The following TRIO variants were observed in gnomAD, a reference collection of about 807,000 sequenced individuals.
The protein encoded by TRIO is trio Rho guanine nucleotide exchange factor, also known as triple functional domain protein.
A neutral mutation model predicts 351.9 loss-of-function variants in TRIO; 58 were observed. The observed-to-expected ratio is 0.16, with a 90% CI of 0.13 to 0.21. TRIO has a LOEUF of 0.21. Ranked by LOEUF, TRIO falls within the 10% of genes least tolerant of loss-of-function variation. The probability of loss-of-function intolerance (pLI) is 1.00; values close to 1 mark genes in which losing one functional copy is unlikely to be tolerated. For synonymous variants in TRIO, 1,758 were observed against 1,595.7 expected, an observed-to-expected ratio of 1.10 and a Z score of -2.42; for missense variants, 3,201 against 4,027.8, an observed-to-expected ratio of 0.79 and a Z score of 5.56.
intron 55 of TRIO, chr5:14,504,823 A>G: frequency 1.7e-6 from 1 of 578,846 alleles, no homozygotes. Flanking sequence ...CACTGCTGGG[A>G]TGGAACACCT....
intron 8 of TRIO, among the ~76,000 whole-genome samples, chr5:14,315,855 G>C (rs186213278): frequency 5.3e-5 from 8 of 152,214 alleles, no homozygotes; most frequent in East Asian, 1.9e-4. Flanking sequence ...TTTAATTGTA[G>C]TTTGAGAATA....
chr5:14,235,670 G>A lies in TRIO; in HGVS notation c.158-35155G>A, dbSNP rs147955585. ...TGAATTGGACACAGAATGGAACTACGCTAGACAGATGAGATCTAGGGTGCC... is the reference window on the plus strand; with the variant it reads ...TGAATTGGACACAGAATGGAACTACACTAGACAGATGAGATCTAGGGTGCC... On this transcript the variant is annotated intron_variant, in intron 1 of 56. Coordinates refer to ENST00000344204, the MANE Select transcript of TRIO (RefSeq NM_007118.4). 9.2e-5 allele frequency among the ~76,000 whole-genome samples: 14 copies of A among 152,074 alleles called. No individual in the cohort carries two copies. In the East Asian group the frequency reaches 1.3e-3, roughly 15 times the overall value.
At chr5:14,301,276 A>AT (rs1737858978) in intron 7 of TRIO, among the ~76,000 whole-genome samples, 1 of 152,014 alleles carries the variant, frequency 6.6e-6, no homozygotes, top group African/African-American at 2.4e-5. Context: ...CACTTTCTTA[A>AT]TACGACCATT....
At chr5:14,442,164 G>A (rs1752101691) in intron 34 of TRIO, among the ~76,000 whole-genome samples, 1 of 152,238 alleles carries the variant, frequency 6.6e-6, no homozygotes, top group African/African-American at 2.4e-5. Context: ...CTGCATGCCA[G>A]CAGGAATGCT....
intron 1 of TRIO, among the ~76,000 whole-genome samples, chr5:14,211,297 A>G (rs975076237): frequency 9.2e-5 from 14 of 152,230 alleles, no homozygotes; most frequent in African/African-American, 3.4e-4. Flanking sequence ...CTGTTAACAT[A>G]TAATAATTTG....
chr5:14,214,769 ATCAG>A (rs1792120545), intron 1 of TRIO, among the ~76,000 whole-genome samples: 1 of 152,222 alleles, frequency 6.6e-6, no homozygotes, highest in Non-Finnish European at 1.5e-5. Flanking sequence ...TGTCTGTGAC[ATCAG>A]TCAGTGTACG....
In TRIO at chr5:14,508,023, C is replaced by T. The variant is rs546106927; in HGVS notation, c.8895C>T (p.Leu2965=). The part of the protein sequence containing the change: ...NPEFAAPEII[L]GNPVSLTSDT... ...AATTCGCAGCCCCTGAAATCATCCT[C>T]GGGAACCCTGTCTCCCTGACCTCGG... Residue 2965 remains leucine (L), a synonymous_variant, in exon 57 of 57, where the codon CTC becomes CTT. Transcript: ENST00000344204. The T allele has an allele frequency of 2.2e-5, 35 of 1,614,222 alleles. No individual in the cohort carries two copies. The highest frequency in any genetic ancestry group is 9.3e-5 in the African/African-American group (7 of 75,056).
At chr5:14,282,958 C>T (rs1736130133) in intron 3 of TRIO, among the ~76,000 whole-genome samples, 1 of 152,110 alleles carries the variant, frequency 6.6e-6, no homozygotes, top group African/African-American at 2.4e-5. Flanking sequence ...TCAGAGTAGT[C>T]CAAATTGAAA....
intron 53 of TRIO, 24 bp downstream of exon 53, chr5:14,498,664 C>T: frequency 1.2e-6 from 2 of 1,605,856 alleles, no homozygotes; most frequent in East Asian, 2.2e-5. Context: ...AACGAGGATT[C>T]TACGTGACCC....
At position 14,432,421 on chromosome 5, in the gene TRIO, A is replaced by G. The variant is rs1394569561; in HGVS notation, c.5203+12400A>G. Among the ~76,000 whole-genome samples the G allele has an allele frequency of 3.3e-5, 5 of 152,334 alleles. No individual in the cohort carries two copies. The East Asian group carries it at 9.6e-4, about 29-fold the overall frequency. On this transcript the variant is annotated intron_variant, in intron 34 of 56. Transcript: ENST00000344204. Reference sequence around the variant, plus strand: ...GCCCAAGGCCAGACATCGTTTATGGAAGAGCTAATTCTAGAACCTGGTGTC... The same window carrying G: ...GCCCAAGGCCAGACATCGTTTATGGGAGAGCTAATTCTAGAACCTGGTGTC...
intron 1 of TRIO, among the ~76,000 whole-genome samples, chr5:14,205,453 G>A (rs1440300850): frequency 2.6e-5 from 4 of 152,154 alleles, no homozygotes; most frequent in African/African-American, 4.8e-5. Context: ...TGTTCATTAC[G>A]TTAGATTCAA....
At chr5:14,375,217 C>T (rs1235748508) in intron 19 of TRIO, among the ~76,000 whole-genome samples, 2 of 152,176 alleles carry the variant, frequency 1.3e-5, no homozygotes, top group African/African-American at 4.8e-5. Context: ...ATGTGCAACT[C>T]ACAAAAGCAA....
Position 14,256,372 on chromosome 5 carries a change from C to T in TRIO, c.158-14453C>T, listed in dbSNP as rs778473354. Among the ~76,000 whole-genome samples the T allele has an allele frequency of 9.1e-4, 139 of 152,214 alleles. 1 individual carries two copies. Among genetic ancestry groups the T allele is most frequent in the Non-Finnish European group, 9.9e-4 (67 of 68,008 alleles). ...CAGCATGGGAGGTCACATTTCAACA[C>T]GAGATTTGGAGGGAACAAAACATCC... On this transcript the variant is annotated intron_variant, in intron 1 of 56. Coordinates refer to ENST00000344204, the MANE Select transcript of TRIO (RefSeq NM_007118.4).
intron 1 of TRIO, among the ~76,000 whole-genome samples, chr5:14,253,936 G>A (rs1332356352): frequency 4.0e-5 from 6 of 151,126 alleles, no homozygotes; most frequent in Admixed American, 4.0e-4. Context: ...ATTAAAGGAA[G>A]TCTCAAAAGT....
At chr5:14,207,581 C>T (rs928764406) in intron 1 of TRIO, among the ~76,000 whole-genome samples, 9 of 148,994 alleles carry the variant, frequency 6.0e-5, no homozygotes, top group Non-Finnish European at 1.0e-4. Flanking sequence ...GTGGCATGCA[C>T]CTGTAGTCCT....
chr5:14,163,564 G>T (rs1026815102), intron 1 of TRIO, among the ~76,000 whole-genome samples: 1 of 152,138 alleles, frequency 6.6e-6, no homozygotes, highest in Non-Finnish European at 1.5e-5. Context: ...CTCTATTCTA[G>T]CCTGGGTCTG....
chr5:14,243,864 T>C (rs1186242070), intron 1 of TRIO, among the ~76,000 whole-genome samples: 1 of 152,160 alleles, frequency 6.6e-6, no homozygotes. Context: ...TCTAGAAAAA[T>C]AGCAAAGGCC....
chr5:14,197,844 A>C (rs1790872724), intron 1 of TRIO, among the ~76,000 whole-genome samples: 1 of 152,194 alleles, frequency 6.6e-6, no homozygotes, highest in Non-Finnish European at 1.5e-5. Flanking sequence ...CCCTGAATAT[A>C]AGGTACCCGA....
intron 46 of TRIO, among the ~76,000 whole-genome samples, chr5:14,483,916 C>T (rs1664969): frequency 6.6e-6 from 1 of 152,044 alleles, no homozygotes; most frequent in African/African-American, 2.4e-5. Flanking sequence ...GCACCCATGC[C>T]CTGAACTGTG....
Sources: gnomAD v4.1 joint callset for allele counts (sites outside exome capture counted in the v4.1 genomes callset) on GRCh38, gnomAD v4.1.1 for gene constraint, MANE v1.5 for transcripts, NCBI Gene and HGNC (gene_info 2026-07-23, HGNC 2026-07-21) for gene names.